RNF169: variants seen among roughly 807,000 people sequenced by gnomAD.
RNF169 encodes the protein E3 ubiquitin-protein ligase RNF169.
Under a neutral mutation model 53.9 loss-of-function variants are expected in RNF169, and 24 were observed. The observed-to-expected ratio is 0.45, with a 90% CI of 0.32 to 0.63. The LOEUF (loss-of-function observed/expected upper bound fraction) is 0.63, where lower values mean the gene tolerates loss of function less well. Ranked by LOEUF, RNF169 falls within the 20% of genes least tolerant of loss-of-function variation. RNF169 has a pLI of 0.04. For missense variants in RNF169, 883 were observed against 906.2 expected (o/e 0.97, Z 0.33); for synonymous variants, 396 against 363.5 (o/e 1.09, Z -1.02).
chr11:74,796,007 T>C (rs537437794), intron 2 of RNF169, among the ~76,000 whole-genome samples: 3 of 152,276 alleles, frequency 2.0e-5, no homozygotes, highest in Non-Finnish European at 4.4e-5. Context: ...TTTGATATTT[T>C]ACTATCTGCT....
At chr11:74,799,926 G>A (rs886618711) in intron 2 of RNF169, among the ~76,000 whole-genome samples, 15 of 150,036 alleles carry the variant, frequency 1.0e-4, no homozygotes, top group Admixed American at 2.0e-4. Flanking sequence ...ATAGATTTTA[G>A]ATCACATTAT....
rs1312266128 is a variant in RNF169 at position 74,841,288 on chromosome 11, A to C, written c.*4558A>C. 1 of 152,194 alleles carries C rather than the reference A, an allele frequency of 6.6e-6. No individual in the cohort carries two copies. Among genetic ancestry groups the C allele is most frequent in the Non-Finnish European group, 1.5e-5 (1 of 68,040 alleles). 9.4% of individuals were successfully genotyped at this position (152,194 alleles called of 1,614,324 possible). A position where few individuals can be genotyped will look rare whatever the true frequency, so the allele number is the denominator to read the frequency against. The stretch of plus-strand genomic sequence containing the variant: ...GTTATGAATTCTCAAAAGAGAAAGC[A>C]GGTCTGGGGCGGGGTGGTCAGGAGA... On this transcript the variant is annotated 3_prime_UTR_variant, in exon 6 of 6. Transcript: ENST00000299563.
At chr11:74,771,266 C>G (rs1168926366) in intron 1 of RNF169, among the ~76,000 whole-genome samples, 1 of 152,142 alleles carries the variant, frequency 6.6e-6, no homozygotes, top group African/African-American at 2.4e-5. Context: ...GCTCTGTCTA[C>G]TACCGATTGA....
At chr11:74,779,620 T>G (rs2035387360) in intron 1 of RNF169, among the ~76,000 whole-genome samples, 1 of 152,152 alleles carries the variant, frequency 6.6e-6, no homozygotes, top group South Asian at 2.1e-4. Flanking sequence ...TTATTTTTAT[T>G]TTATTTTATT....
intron 1 of RNF169, among the ~76,000 whole-genome samples, chr11:74,755,594 G>A (rs888387138): frequency 8.5e-5 from 13 of 152,206 alleles, no homozygotes; most frequent in Admixed American, 2.6e-4. Context: ...ACAATACAAC[G>A]TGTTAAGTGA....
chr11:74,805,751 G>A (rs914729676), intron 2 of RNF169, among the ~76,000 whole-genome samples: 9 of 152,198 alleles, frequency 5.9e-5, no homozygotes, highest in Non-Finnish European at 8.8e-5. Context: ...CATTGAATAA[G>A]AGAGATTTGA....
Position 74,749,005 on chromosome 11 carries a change from C to G in RNF169, c.125C>G (p.Ala42Gly). 6.7e-7 allele frequency: 1 copy of G among 1,499,046 alleles called. No homozygotes were observed. Among genetic ancestry groups the G allele is most frequent in the Non-Finnish European group, 8.9e-7 (1 of 1,120,850 alleles). 92.9% of individuals were successfully genotyped at this position (1,499,046 alleles called of 1,614,324 possible). A position where few individuals can be genotyped will look rare whatever the true frequency, so the allele number is the denominator to read the frequency against. ...AAAKTGAPGPASGPSLLVLSP... is the reference protein window; with the variant it reads ...AAAKTGAPGPGSGPSLLVLSP... The stretch of plus-strand genomic sequence containing the variant: ...GCTAAGACTGGGGCCCCAGGCCCGG[C>G]TTCTGGACCTTCGCTGTTGGTGTTG... The change falls in exon 1 of 6, where the codon GCT (alanine) becomes GGT (glycine). Residue 42 changes from alanine (A) to glycine (G), a missense_variant. This residue lies in a region of RNF169 where 313 missense variants were observed against 279.9 expected (regional missense o/e 1.12). Transcript: ENST00000299563.
chr11:74,802,926 T>C (rs994623657), intron 2 of RNF169, among the ~76,000 whole-genome samples: 3 of 137,888 alleles, frequency 2.2e-5, no homozygotes, highest in African/African-American at 7.8e-5. Flanking sequence ...GTAATTTTTT[T>C]TGGGGGGGGG....
intron 4 of RNF169, among the ~76,000 whole-genome samples, chr11:74,823,738 G>GAAAAAAAAAAAAAAAAAAAAAA: frequency 1.9e-5 from 2 of 105,774 alleles, no homozygotes; most frequent in Non-Finnish European, 3.9e-5. Flanking sequence ...CCCTGTCTCA[G>GAAAAAAAAAAAAAAAAAAAAAA]AAAAAAAAAA....
intron 3 of RNF169, among the ~76,000 whole-genome samples, chr11:74,811,246 A>G (rs1214835346): frequency 1.3e-5 from 2 of 151,832 alleles, no homozygotes; most frequent in Non-Finnish European, 2.9e-5. Context: ...GGGTTTATTT[A>G]TTTTTATTTT....
intron 2 of RNF169, among the ~76,000 whole-genome samples, chr11:74,802,934 G>T (rs895322735): frequency 2.7e-5 from 4 of 150,802 alleles, no homozygotes; most frequent in East Asian, 2.0e-4. Flanking sequence ...TTTTGGGGGG[G>T]GGTGGGGACG....
chr11:74,825,250 CTG>C (rs1471008542), intron 4 of RNF169, among the ~76,000 whole-genome samples: 1 of 152,132 alleles, frequency 6.6e-6, no homozygotes, highest in Non-Finnish European at 1.5e-5. Flanking sequence ...GAAATAATAA[CTG>C]TATTTTTGAC....
intron 1 of RNF169, among the ~76,000 whole-genome samples, chr11:74,769,633 G>T (rs931840001): frequency 5.9e-5 from 9 of 152,148 alleles, no homozygotes; most frequent in African/African-American, 1.9e-4. Flanking sequence ...AATGAACTGG[G>T]TATATATCAA....
chr11:74,788,725 TCTTA>T (rs2035540774), intron 1 of RNF169, among the ~76,000 whole-genome samples: 1 of 152,202 alleles, frequency 6.6e-6, no homozygotes, highest in Non-Finnish European at 1.5e-5. Context: ...TTAAAAAATT[TCTTA>T]CATTAATTTT....
Position 74,810,262 on chromosome 11 carries a change from G to A in RNF169, c.655G>A (p.Gly219Arg). ...HKLLPEDTET[G>R]KRKMDEQKKR... is the part of the protein sequence containing the mutation. ...GCTGTTACCAGAGGATACAGAAACAGGGAAAAGGAAAATGGATGAACAGAA... is the reference window on the plus strand; with the variant it reads ...GCTGTTACCAGAGGATACAGAAACAAGGAAAAGGAAAATGGATGAACAGAA... The change falls in exon 3 of 6, where the codon GGG (glycine) becomes AGG (arginine). Residue 219 changes from glycine (G) to arginine (R), a missense_variant. Transcript: ENST00000299563. 6.2e-7 allele frequency: 1 copy of A among 1,613,872 alleles called. No individual in the cohort carries two copies. Among genetic ancestry groups the A allele is most frequent in the South Asian group, 1.1e-5 (1 of 91,072 alleles).
chr11:74,819,645 CCTCTAGGAGGGAGGG>C (rs2035983541), intron 4 of RNF169, among the ~76,000 whole-genome samples: 1 of 152,118 alleles, frequency 6.6e-6, no homozygotes, highest in Non-Finnish European at 1.5e-5. Flanking sequence ...CAGCAGAGGG[CCTCTAGGAGGGAGGG>C]CTCTAGGAGC....
rs1290849773 is a variant in RNF169 at position 74,835,648 on chromosome 11, C to G, written c.1045C>G (p.Leu349Val). Residue 349 changes from leucine to valine, a missense_variant, in exon 6 of 6, where the codon CTA (leucine) becomes GTA (valine). Coordinates refer to ENST00000299563, the MANE Select transcript of RNF169 (RefSeq NM_001098638.2). ...CCCTGACTTAACCATCGAAAAGCGT[C>G]TACCCTTCAGCTCCCTTTCATCCTT... Reference protein sequence around the residue: ...SAPDLTIEKRLPFSSLSSLAS... With the variant: ...SAPDLTIEKRVPFSSLSSLAS... The G allele has an allele frequency of 2.5e-6, 4 of 1,614,076 alleles. No individual in the cohort carries two copies. The highest frequency in any genetic ancestry group is 2.7e-5 in the African/African-American group (2 of 74,918).
chr11:74,800,027 A>G (rs571959646), intron 2 of RNF169, among the ~76,000 whole-genome samples: 1 of 151,262 alleles, frequency 6.6e-6, no homozygotes, highest in Non-Finnish European at 1.5e-5. Flanking sequence ...TTTAATGGCT[A>G]TATAGAATTA....
chr11:74,792,167 A>C (rs2035588973), intron 2 of RNF169, among the ~76,000 whole-genome samples: 1 of 152,186 alleles, frequency 6.6e-6, no homozygotes, highest in Admixed American at 6.5e-5. Flanking sequence ...GTCTCTTTTA[A>C]AACTACTTAC....
Sources: gnomAD v4.1 joint callset for allele counts (sites outside exome capture counted in the v4.1 genomes callset) on GRCh38, gnomAD v4.1.1 for gene constraint, gnomAD v4.1.1 regional missense constraint, MANE v1.5 for transcripts, NCBI Gene and HGNC (gene_info 2026-07-23, HGNC 2026-07-21) for gene names.